Variants in BRINP3 observed in about 807,000 individuals in gnomAD.
BRINP3 encodes the protein BMP/retinoic acid-inducible neural-specific protein 3.
In BRINP3, 19 loss-of-function variants were observed where a neutral mutation model predicts 71.0. The ratio of observed to expected loss-of-function variants is 0.27; its 90% confidence interval spans 0.19 to 0.39. The LOEUF (loss-of-function observed/expected upper bound fraction) is 0.39, where lower values mean the gene tolerates loss of function less well. BRINP3 is among the 10% of genes least tolerant of loss of function. The pLI is 1.00. For missense variants in BRINP3, 959 were observed against 940.8 expected (o/e 1.02, Z -0.25); for synonymous variants, 380 against 337.7 (o/e 1.13, Z -1.37).
At chr1:190,456,218 A>C (rs1257106398) in intron 1 of BRINP3, among the ~76,000 whole-genome samples, 1 of 152,170 alleles carries the variant, frequency 6.6e-6, no homozygotes. Context: ...TCTATCTGAG[A>C]GATATAGAGA....
chr1:190,256,911 C>T (rs926696829), intron 4 of BRINP3, among the ~76,000 whole-genome samples: 7 of 152,130 alleles, frequency 4.6e-5, no homozygotes, highest in Non-Finnish European at 1.0e-4. Context: ...TCTCTGGCTG[C>T]CCTTATTATT....
Position 190,219,994 on chromosome 1 carries a change from T to C in BRINP3, c.961+6088A>G, listed in dbSNP as rs1483432910. On this transcript the variant is annotated intron_variant, in intron 6 of 7. Transcript: ENST00000367462. ...CTCAAAAGACCAAATTGAAGAATTA[T>C]TGGTATTCAAAAGTGAGCTGAGCAA... 3.3e-5 allele frequency among the ~76,000 whole-genome samples: 5 copies of C among 151,870 alleles called. No individual in the cohort carries two copies. The East Asian group carries it at 9.7e-4, about 29-fold the overall frequency.
chr1:190,203,633 T>C (rs1172581072), intron 6 of BRINP3, among the ~76,000 whole-genome samples: 1 of 149,142 alleles, frequency 6.7e-6, no homozygotes, highest in Non-Finnish European at 1.5e-5. Flanking sequence ...AACATTGTTT[T>C]AAAGATTGTT....
At chr1:190,145,848 C>T (rs1389836093) in intron 7 of BRINP3, among the ~76,000 whole-genome samples, 2 of 152,078 alleles carry the variant, frequency 1.3e-5, no homozygotes, top group East Asian at 1.9e-4. Flanking sequence ...TATATACACA[C>T]ATACCATGGA....
chr1:190,466,630 A>C (rs1676769524), intron 1 of BRINP3, among the ~76,000 whole-genome samples: 1 of 151,700 alleles, frequency 6.6e-6, no homozygotes, highest in South Asian at 2.1e-4. Context: ...TGTGTGTTAC[A>C]AATATTATTA....
intron 7 of BRINP3, among the ~76,000 whole-genome samples, chr1:190,108,931 G>T (rs142775569): frequency 6.6e-6 from 1 of 152,072 alleles, no homozygotes; most frequent in East Asian, 1.9e-4. Context: ...TTATCAGCTG[G>T]CAGGAAGATA....
intron 2 of BRINP3, among the ~76,000 whole-genome samples, chr1:190,397,027 G>A (rs901425365): frequency 2.6e-5 from 4 of 151,806 alleles, no homozygotes; most frequent in Admixed American, 6.6e-5. Flanking sequence ...GTTAGGTGAT[G>A]AGTCAAAATG....
intron 2 of BRINP3, among the ~76,000 whole-genome samples, chr1:190,347,935 A>G (rs1269445183): frequency 1.3e-5 from 2 of 152,160 alleles, no homozygotes; most frequent in African/African-American, 4.8e-5. Flanking sequence ...TTATGCATTG[A>G]AGACTGTCTA....
chr1:190,282,671 G>A (rs970640715), intron 2 of BRINP3, among the ~76,000 whole-genome samples: 3 of 151,924 alleles, frequency 2.0e-5, no homozygotes, highest in African/African-American at 7.2e-5. Context: ...CTATGTGCCA[G>A]GATCAGTGCA....
chr1:190,366,152 C>A (rs964557056), intron 2 of BRINP3, among the ~76,000 whole-genome samples: 5 of 152,018 alleles, frequency 3.3e-5, no homozygotes, highest in African/African-American at 1.2e-4. Context: ...TGTTCTCATG[C>A]TTCTATAAAG....
At chr1:190,158,503 G>A (rs1657062930) in intron 7 of BRINP3, among the ~76,000 whole-genome samples, 1 of 151,944 alleles carries the variant, frequency 6.6e-6, no homozygotes, top group South Asian at 2.1e-4. Context: ...GAAAACCACT[G>A]GGTACTATGC....
chr1:190,187,206 C>T (rs1471615455), intron 6 of BRINP3, among the ~76,000 whole-genome samples: 1 of 151,914 alleles, frequency 6.6e-6, no homozygotes, highest in Non-Finnish European at 1.5e-5. Flanking sequence ...GTCCCTTTTT[C>T]CCAATTTTAA....
chr1:190,199,184 C>T, intron 6 of BRINP3, among the ~76,000 whole-genome samples: 1 of 152,234 alleles, frequency 6.6e-6, no homozygotes, highest in Non-Finnish European at 1.5e-5. Context: ...CACCCATTTC[C>T]ATCATTCAAT....
chr1:190,226,189 T>G lies in BRINP3; in HGVS notation c.854A>C (p.Lys285Thr). ...ENDCWCHCGP[K>T]FPECNCPSMD... ...GGAGGGGCAGTTGCATTCTGGAAAT[T>G]TGGGACCACAGTGACACCAGCAGTC... The change falls in exon 6 of 8, where the codon AAA (lysine) becomes ACA (threonine). Residue 285 changes from lysine to threonine, a missense_variant. Transcript: ENST00000367462. 6.2e-7 allele frequency: 1 copy of G among 1,612,768 alleles called. No individual in the cohort carries two copies. Among genetic ancestry groups the G allele is most frequent in the Non-Finnish European group, 8.5e-7 (1 of 1,179,162 alleles).
intron 2 of BRINP3, among the ~76,000 whole-genome samples, chr1:190,405,242 C>G (rs1307113): frequency 6.6e-6 from 1 of 151,644 alleles, no homozygotes; most frequent in Admixed American, 6.6e-5. Context: ...ACGAGGTCAG[C>G]AGATCGAGAC....
intron 2 of BRINP3, among the ~76,000 whole-genome samples, chr1:190,375,984 T>C (rs958478685): frequency 1.3e-5 from 2 of 152,034 alleles, no homozygotes; most frequent in South Asian, 2.1e-4. Flanking sequence ...ATATATATTA[T>C]AGGCTTTTCT....
intron 4 of BRINP3, among the ~76,000 whole-genome samples, chr1:190,255,167 C>T (rs971277181): frequency 3.3e-5 from 5 of 150,906 alleles, no homozygotes; most frequent in Admixed American, 1.3e-4. Context: ...CTGCTGGATT[C>T]GGTTTGCCAG....
chr1:190,289,884 G>C (rs1348014054), intron 2 of BRINP3, among the ~76,000 whole-genome samples: 1 of 151,772 alleles, frequency 6.6e-6, no homozygotes, highest in East Asian at 1.9e-4. Context: ...GAACTTACTT[G>C]TGTCACTCTT....
intron 2 of BRINP3, among the ~76,000 whole-genome samples, chr1:190,421,558 G>A (rs1213540763): frequency 4.6e-5 from 7 of 151,526 alleles, no homozygotes; most frequent in Non-Finnish European, 1.0e-4. Context: ...GATTCCCTAT[G>A]TTATGAATAT....
Sources: allele counts gnomAD v4.1 joint callset (sites outside exome capture counted in the v4.1 genomes callset), GRCh38; gene constraint gnomAD v4.1.1; transcripts MANE v1.5; gene names NCBI Gene and HGNC (gene_info 2026-07-23, HGNC 2026-07-21).